RNLS: variants seen among roughly 807,000 people sequenced by gnomAD.
The protein encoded by RNLS is renalase.
Under a neutral mutation model 39.8 loss-of-function variants are expected in RNLS, and 39 were observed. That is an observed-to-expected ratio of 0.98 (90% CI 0.76 to 1.28). RNLS has a LOEUF of 1.28. Among genes scored for constraint, RNLS ranks in the 50% most tolerant of loss-of-function variants. RNLS has a pLI of 0.00. For synonymous variants in RNLS, 147 were observed against 150.7 expected, an observed-to-expected ratio of 0.98 and a Z score of 0.18; for missense variants, 410 against 413.3, an observed-to-expected ratio of 0.99 and a Z score of 0.07.
At chr10:88,252,234 C>A in the RNLS span, among the ~76,000 whole-genome samples, 1 of 152,162 alleles carries the variant, frequency 6.6e-6, no homozygotes, top group Non-Finnish European at 1.5e-5. Flanking sequence ...CCCCACAACC[C>A]GGTGCACAGT....
chr10:88,551,652 A>C (rs74147220), intron 4 of RNLS, among the ~76,000 whole-genome samples: 2,001 of 152,244 alleles, frequency 0.013, 48 homozygotes, highest in African/African-American at 0.045. Context: ...ATATTTTAGA[A>C]TTGGAAGAGA....
downstream of RNLS, among the ~76,000 whole-genome samples, chr10:88,282,453 G>C (rs548206845): frequency 6.7e-6 from 1 of 149,000 alleles, no homozygotes; most frequent in South Asian, 2.1e-4. Flanking sequence ...TTTCACAGAG[G>C]TGTTAGGAGG....
intron 4 of RNLS, among the ~76,000 whole-genome samples, chr10:88,405,084 G>A (rs897578692): frequency 4.4e-4 from 67 of 152,138 alleles, no homozygotes; most frequent in African/African-American, 1.5e-3. Flanking sequence ...CTTCTCTGGG[G>A]ATCTTTAAGC....
chr10:88,375,857 A>G (rs915428484), intron 4 of RNLS, among the ~76,000 whole-genome samples: 2 of 152,168 alleles, frequency 1.3e-5, no homozygotes, highest in African/African-American at 4.8e-5. Flanking sequence ...ATGGGATTGG[A>G]AGAAGGATCA....
intron 6 of RNLS, among the ~76,000 whole-genome samples, chr10:88,302,507 A>C (rs919953216): frequency 6.6e-5 from 10 of 152,206 alleles, no homozygotes; most frequent in Non-Finnish European, 1.3e-4. Flanking sequence ...AGATAAACAA[A>C]TATAAGCCAG....
intron 4 of RNLS, among the ~76,000 whole-genome samples, chr10:88,429,306 T>C (rs936542451): frequency 1.3e-5 from 2 of 151,994 alleles, no homozygotes; most frequent in East Asian, 1.9e-4. Flanking sequence ...AGATGATATA[T>C]AGAAAATCCA....
intron 4 of RNLS, among the ~76,000 whole-genome samples, chr10:88,374,767 A>G (rs1403461047): frequency 6.6e-6 from 1 of 152,080 alleles, no homozygotes; most frequent in East Asian, 1.9e-4. Flanking sequence ...ACCTGCTGAA[A>G]TCTCTTCATA....
downstream of RNLS, among the ~76,000 whole-genome samples, chr10:88,283,189 A>G (rs1843088887): frequency 6.6e-6 from 1 of 152,106 alleles, no homozygotes; most frequent in South Asian, 2.1e-4. Context: ...CTACCATTTC[A>G]TTTCTAATGG....
intron 3 of RNLS, among the ~76,000 whole-genome samples, chr10:88,581,115 G>A (rs1850508833): frequency 6.6e-6 from 1 of 151,842 alleles, no homozygotes; most frequent in South Asian, 2.1e-4. Flanking sequence ...GTGATGGTAC[G>A]CATATGTCAT....
intron 5 of RNLS, among the ~76,000 whole-genome samples, chr10:88,347,589 T>C: frequency 6.6e-6 from 1 of 152,070 alleles, no homozygotes; most frequent in Non-Finnish European, 1.5e-5. Context: ...GTCTGGGCTA[T>C]CTTAATTTAA....
At chr10:88,291,351 A>G (rs1843661743) in intron 6 of RNLS, among the ~76,000 whole-genome samples, 1 of 152,196 alleles carries the variant, frequency 6.6e-6, no homozygotes, top group Non-Finnish European at 1.5e-5. Context: ...TATACTGGTT[A>G]TCTAAGAATC....
intron 4 of RNLS, among the ~76,000 whole-genome samples, chr10:88,363,166 C>T (rs1477777540): frequency 1.3e-5 from 2 of 151,796 alleles, no homozygotes; most frequent in African/African-American, 2.4e-5. Context: ...GATGAGGAGG[C>T]TGATGCTCCA....
intron 5 of RNLS, among the ~76,000 whole-genome samples, chr10:88,329,851 CT>C (rs1846959111): frequency 6.6e-6 from 1 of 151,648 alleles, no homozygotes; most frequent in Non-Finnish European, 1.5e-5. Context: ...CTATTTGGCT[CT>C]TTTTCAAATC....
At chr10:88,319,125 G>A (rs1359985232) in intron 5 of RNLS, among the ~76,000 whole-genome samples, 1 of 152,096 alleles carries the variant, frequency 6.6e-6, no homozygotes, top group Non-Finnish European at 1.5e-5. Flanking sequence ...GCTACAACAA[G>A]CAGCATCCGA....
intron 4 of RNLS, among the ~76,000 whole-genome samples, chr10:88,494,230 T>A (rs1845044271): frequency 6.6e-6 from 1 of 152,066 alleles, no homozygotes. Context: ...CACGGAAAAA[T>A]GTTACATACT....
rs192140436 is a variant in RNLS at position 88,472,275 on chromosome 10, G to T, written c.526+100628C>A. Among the ~76,000 whole-genome samples the T allele has an allele frequency of 2.1e-3, 319 of 152,286 alleles. 1 individual carries two copies. The highest frequency in any genetic ancestry group is 7.4e-3 in the African/African-American group (306 of 41,554). On this transcript the variant is annotated intron_variant, in intron 4 of 6. Transcript: ENST00000331772. Reference sequence around the variant, plus strand: ...GTGGGATCTGGTATTTTAAAGAGAAGAAGAGAAGGAAATTAAGGGGAAAAG... The same window carrying T: ...GTGGGATCTGGTATTTTAAAGAGAATAAGAGAAGGAAATTAAGGGGAAAAG...
chr10:88,235,048 T>C, the RNLS span, among the ~76,000 whole-genome samples: 1 of 151,816 alleles, frequency 6.6e-6, no homozygotes, highest in Admixed American at 6.6e-5. Context: ...GATCACAAGG[T>C]CAGGAGATCG....
intron 6 of RNLS, among the ~76,000 whole-genome samples, chr10:88,305,622 G>A (rs147856572): frequency 0.017 from 2,635 of 152,246 alleles, 27 homozygotes; most frequent in South Asian, 0.028. Context: ...TCAACAAGAA[G>A]ATCTAACTAT....
At chr10:88,572,816 C>T in intron 4 of RNLS, 87 bp downstream of exon 4, 1 of 1,363,264 alleles carries the variant, frequency 7.3e-7, no homozygotes, top group Non-Finnish European at 1.0e-6. Flanking sequence ...TATCACTTGT[C>T]CTTTGCGAAG....
Sources: gnomAD v4.1 joint callset for allele counts (sites outside exome capture counted in the v4.1 genomes callset) on GRCh38, gnomAD v4.1.1 for gene constraint, MANE v1.5 for transcripts, NCBI Gene and HGNC (gene_info 2026-07-23, HGNC 2026-07-21) for gene names.